MINDY4B: variants seen among roughly 807,000 people sequenced by gnomAD.
MINDY4B encodes MINDY family member 4B.
Under a neutral mutation model 16.7 loss-of-function variants are expected in MINDY4B, and 25 were observed. The observed-to-expected ratio is 1.49, with a 90% confidence interval of 1.09 to 2.09. The LOEUF (loss-of-function observed/expected upper bound fraction) is 2.09, where lower values mean the gene tolerates loss of function less well. Ranked by LOEUF, MINDY4B falls within the 30% of genes most tolerant of loss-of-function variation. The pLI, the probability that MINDY4B is intolerant of heterozygous loss-of-function variation, is 0.00. For missense variants in MINDY4B, 327 were observed against 168.4 expected (o/e 1.94, Z -5.21); for synonymous variants, 132 against 61.9 (o/e 2.13, Z -5.32).
chr3:150,875,470 A>G (rs925610498), intron 10 of MINDY4B, among the ~76,000 whole-genome samples: 10 of 152,170 alleles, frequency 6.6e-5, no homozygotes, highest in African/African-American at 2.2e-4. Context: ...GGTAGGTGTA[A>G]TAGAATATAC....
At chr3:150,887,140 G>C (rs1711646923) in intron 7 of MINDY4B, among the ~76,000 whole-genome samples, 1 of 152,092 alleles carries the variant, frequency 6.6e-6, no homozygotes, top group African/African-American at 2.4e-5. Flanking sequence ...AGTAAAATAA[G>C]GGTTACGAAA....
chr3:150,883,521 G>A (rs1040625469), intron 9 of MINDY4B, among the ~76,000 whole-genome samples, 179 bp downstream of exon 9: 3 of 151,968 alleles, frequency 2.0e-5, no homozygotes, highest in Non-Finnish European at 2.9e-5. Flanking sequence ...GCAACCCAGG[G>A]TAGTGTCTTC....
intron 4 of MINDY4B, among the ~76,000 whole-genome samples, chr3:150,893,717 G>C (rs1711885506): frequency 7.0e-6 from 1 of 143,314 alleles, no homozygotes; most frequent in Admixed American, 7.2e-5. Context: ...GTGGGGTGCA[G>C]TCTTGCTCTG....
rs184991843 is a variant in MINDY4B at position 150,897,394 on chromosome 3, G to T, written c.310-3089C>A. ...AGGCCAAGGGGTAGGAAGAAGAGTA[G>T]AAGCTCAGATTGCAAAGTACCCTGG... On this transcript the variant is annotated intron_variant, in intron 3 of 11. Coordinates refer to ENST00000465419, the MANE Select transcript of MINDY4B (RefSeq NM_001351281.2). 6.7e-5 allele frequency among the ~76,000 whole-genome samples: 10 copies of T among 149,196 alleles called. No individual in the cohort carries two copies. The East Asian group carries it at 1.6e-3, about 24-fold the overall frequency.
At chr3:150,878,698 T>A (rs1001378355) in intron 10 of MINDY4B, among the ~76,000 whole-genome samples, 1 of 152,234 alleles carries the variant, frequency 6.6e-6, no homozygotes, top group African/African-American at 2.4e-5. Context: ...TTCCAGTTTG[T>A]GAGCAGGCAT....
At chr3:150,872,679 A>G (rs1475229656) in intron 11 of MINDY4B, among the ~76,000 whole-genome samples, 1 of 152,334 alleles carries the variant, frequency 6.6e-6, no homozygotes, top group Non-Finnish European at 1.5e-5. Context: ...CAGTTTTCCC[A>G]GTGTCTAGCC....
At chr3:150,895,361 C>T (rs1711932212) in intron 3 of MINDY4B, among the ~76,000 whole-genome samples, 1 of 152,150 alleles carries the variant, frequency 6.6e-6, no homozygotes, top group Non-Finnish European at 1.5e-5. Context: ...GAAGATAGGG[C>T]CCCAATCTGT....
intron 3 of MINDY4B, among the ~76,000 whole-genome samples, chr3:150,896,703 G>A (rs1184899832): frequency 2.6e-5 from 4 of 152,154 alleles, no homozygotes; most frequent in African/African-American, 9.7e-5. Context: ...ACTGAGGGTT[G>A]CCTGCACAAA....
At position 150,903,133 on chromosome 3, in the gene MINDY4B, C is replaced by A. The variant is rs1712155451; in HGVS notation, c.309+116G>T. 5 of 396,854 alleles carry A rather than the reference C, an allele frequency of 1.3e-5. No individual in the cohort carries two copies. The South Asian group carries it at 7.1e-4, about 56-fold the overall frequency. The allele number at this position is 396,854 out of a possible 1,614,324, so 24.6% of individuals were successfully genotyped here. On this transcript the variant is annotated intron_variant, in intron 3 of 11. Coordinates refer to ENST00000465419, the MANE Select transcript of MINDY4B (RefSeq NM_001351281.2). ...TATATTCTCCTTTTACCAATAACAA[C>A]CATCTGTAGTCTTATCTTCAATATA...
At chr3:150,893,221 A>G (rs1444335690) in intron 5 of MINDY4B, 103 bp downstream of exon 5, 5 of 675,930 alleles carry the variant, frequency 7.4e-6, no homozygotes, top group Non-Finnish European at 1.3e-5. Context: ...CTTAGGAGGT[A>G]GATTTCCTTT....
intron 10 of MINDY4B, among the ~76,000 whole-genome samples, chr3:150,875,326 A>C (rs1263663282): frequency 6.6e-6 from 1 of 152,224 alleles, no homozygotes; most frequent in Non-Finnish European, 1.5e-5. Context: ...GAAGTCATGG[A>C]ATTATCAAGG....
At chr3:150,885,288 G>T in intron 8 of MINDY4B, 80 bp downstream of exon 8, 1 of 660,554 alleles carries the variant, frequency 1.5e-6, no homozygotes, top group Non-Finnish European at 2.7e-6. Flanking sequence ...CCAATATGGA[G>T]ATTTTTCAAT....
intron 7 of MINDY4B, among the ~76,000 whole-genome samples, chr3:150,886,809 G>C (rs933179031): frequency 1.3e-5 from 2 of 152,012 alleles, no homozygotes; most frequent in Non-Finnish European, 2.9e-5. Context: ...TTGATTAATT[G>C]AGCCCATCTG....
intron 3 of MINDY4B, among the ~76,000 whole-genome samples, chr3:150,899,618 C>T (rs991672263): frequency 2.6e-5 from 4 of 152,162 alleles, no homozygotes; most frequent in African/African-American, 9.7e-5. Flanking sequence ...TGCTCAAACT[C>T]AACAGGAAGC....
chr3:150,894,175 CT>C lies in MINDY4B; in HGVS notation c.429+10del. 3.0e-6 allele frequency: 2 copies of C among 677,390 alleles called. No individual in the cohort carries two copies. The highest frequency in any genetic ancestry group is 5.3e-6 in the Non-Finnish European group (2 of 377,746). 42.0% of individuals were successfully genotyped at this position (677,390 alleles called of 1,614,324 possible). A position where few individuals can be genotyped will look rare whatever the true frequency, so the allele number is the denominator to read the frequency against. ...AATAAGGTTTTTTAAAAATTATAAA[CT>C]GGCTATTACCTTTCCCACTTCCAGA... On this transcript the variant is annotated intron_variant, in intron 4 of 11. Coordinates refer to ENST00000465419, the MANE Select transcript of MINDY4B (RefSeq NM_001351281.2).
At position 150,870,651 on chromosome 3, in the gene MINDY4B, A is replaced by G. The variant is rs1191527584; in HGVS notation, c.*394T>C. On this transcript the variant is annotated 3_prime_UTR_variant, in exon 12 of 12. Transcript: ENST00000465419. Reference sequence around the variant, plus strand: ...TCTTGCCATAACTAAAAATCCGATGATGCATTACCAATGACTTCATCCCCA... The same window carrying G: ...TCTTGCCATAACTAAAAATCCGATGGTGCATTACCAATGACTTCATCCCCA... Among the ~76,000 whole-genome samples the G allele has an allele frequency of 6.6e-6, 1 of 152,218 alleles. No individual in the cohort carries two copies. The highest frequency in any genetic ancestry group is 2.4e-5 in the African/African-American group (1 of 41,448).
intron 10 of MINDY4B, among the ~76,000 whole-genome samples, chr3:150,879,174 T>C (rs552474283): frequency 6.6e-6 from 1 of 152,286 alleles, no homozygotes; most frequent in African/African-American, 2.4e-5. Context: ...GTAAGTTCAG[T>C]TGAAATAGCT....
In MINDY4B at chr3:150,882,949, A is replaced by C. The variant is rs529092598; in HGVS notation, c.1007T>G (p.Val336Gly). Residue 336 changes from valine to glycine, a missense_variant, in exon 10 of 12, where the codon GTT becomes GGT. Transcript: ENST00000465419. The part of the protein sequence containing the change: ...TLHGVLTRSD[V>G]GYLQWGKDAS... ...ATCCTTACCCCACTGCAAATAGCCA[A>C]CATCACTGCGGGTCAGGACTCCATG... 1 of 702,782 alleles carries C rather than the reference A, an allele frequency of 1.4e-6. No individual in the cohort carries two copies. Among genetic ancestry groups the C allele is most frequent in the South Asian group, 1.5e-5 (1 of 67,594 alleles). 43.5% of individuals were successfully genotyped at this position (702,782 alleles called of 1,614,324 possible).
At chr3:150,873,810 C>T (rs1403254760) in intron 10 of MINDY4B, among the ~76,000 whole-genome samples, 1 of 151,972 alleles carries the variant, frequency 6.6e-6, no homozygotes, top group Non-Finnish European at 1.5e-5. Context: ...CTTCTGGCAA[C>T]ATCAACTATT....
Sources: gnomAD v4.1 joint callset for allele counts (sites outside exome capture counted in the v4.1 genomes callset) on GRCh38, gnomAD v4.1.1 for gene constraint, MANE v1.5 for transcripts, NCBI Gene and HGNC (gene_info 2026-07-23, HGNC 2026-07-21) for gene names.